SMG6: variants seen among roughly 807,000 people sequenced by gnomAD.
The protein encoded by SMG6 is telomerase-binding protein EST1A.
In SMG6, 66 loss-of-function variants were observed where a neutral mutation model predicts 142.2. The observed-to-expected ratio is 0.46, with a 90% confidence interval of 0.38 to 0.57. The LOEUF is 0.57. Ranked by LOEUF, SMG6 falls within the 20% of genes least tolerant of loss-of-function variation. SMG6 has a pLI of 0.00. For missense variants in SMG6, 1,793 were observed against 1,832.0 expected, an observed-to-expected ratio of 0.98 and a Z score of 0.39; for synonymous variants, 779 against 702.4, an observed-to-expected ratio of 1.11 and a Z score of -1.72.
intron 13 of SMG6, among the ~76,000 whole-genome samples, chr17:2,159,192 G>A (rs1375559455): frequency 3.3e-5 from 5 of 152,120 alleles, no homozygotes; most frequent in Admixed American, 2.0e-4. Flanking sequence ...AGGCCGAGGC[G>A]GGTGGATCAT....
chr17:2,127,643 A>T, intron 13 of SMG6: 1 of 570,602 alleles, frequency 1.8e-6, no homozygotes, highest in Non-Finnish European at 3.5e-6. Context: ...CTTTCATTCA[A>T]CGAATACAAT....
intron 13 of SMG6, among the ~76,000 whole-genome samples, chr17:2,167,705 G>C (rs185322083): frequency 6.6e-6 from 1 of 152,110 alleles, no homozygotes; most frequent in African/African-American, 2.4e-5. Flanking sequence ...TACGTGTTTC[G>C]TAAGTATCTG....
rs1449433703 is a variant in SMG6, at chr17:2,085,622, C to G, written c.3534+103G>C. 1.7e-6 allele frequency: 2 copies of G among 1,184,444 alleles called. No homozygotes were observed. The highest frequency in any genetic ancestry group is 2.4e-6 in the Non-Finnish European group (2 of 830,606). The allele number at this position is 1,184,444 out of a possible 1,614,324, so 73.4% of individuals were successfully genotyped here. On this transcript the variant is annotated intron_variant, in intron 14 of 18. Coordinates refer to ENST00000263073, the MANE Select transcript of SMG6 (RefSeq NM_017575.5). The surrounding 1 kb of genome is among the most constrained non-coding windows in gnomAD (Gnocchi z 4.1). The stretch of plus-strand genomic sequence containing the variant: ...CTGGCTGGTCACATTAACACAGACG[C>G]TGTTCTCTGTGCTCATAAATAAGCA...
chr17:2,286,893 A>G (rs1205999413), intron 6 of SMG6, among the ~76,000 whole-genome samples: 1 of 151,224 alleles, frequency 6.6e-6, no homozygotes, highest in Non-Finnish European at 1.5e-5. Context: ...TAAAGAACTC[A>G]TACATCTTGA....
At chr17:2,115,643 A>G (rs2151504760) in intron 13 of SMG6, among the ~76,000 whole-genome samples, 1 of 152,218 alleles carries the variant, frequency 6.6e-6, no homozygotes, top group East Asian at 1.9e-4. Context: ...GAATGGTAAA[A>G]TAATATAGTT....
At chr17:2,193,866 C>G (rs956956398) in intron 10 of SMG6, among the ~76,000 whole-genome samples, 1 of 152,154 alleles carries the variant, frequency 6.6e-6, no homozygotes, top group Non-Finnish European at 1.5e-5. Flanking sequence ...CTCACTCTGT[C>G]GTCTAGACTG....
chr17:2,131,388 C>T (rs1391442385), intron 13 of SMG6, among the ~76,000 whole-genome samples: 12 of 152,072 alleles, frequency 7.9e-5, no homozygotes, highest in African/African-American at 2.6e-4. Flanking sequence ...CTCCGCCTCC[C>T]GGGTTCAAGC....
At chr17:2,156,742 C>T (rs1212771528) in intron 13 of SMG6, among the ~76,000 whole-genome samples, 1 of 152,176 alleles carries the variant, frequency 6.6e-6, no homozygotes, top group Non-Finnish European at 1.5e-5. Context: ...GTAGCCTCGA[C>T]CTTCCAGGCT....
At chr17:2,090,546 T>G (rs935017432) in intron 13 of SMG6, among the ~76,000 whole-genome samples, 2 of 152,242 alleles carry the variant, frequency 1.3e-5, no homozygotes, top group Non-Finnish European at 2.9e-5. Context: ...TATCGTTACC[T>G]GGTCCCCGTT....
Position 2,274,449 on chromosome 17 carries a change from A to G in SMG6, c.2661+8198T>C, listed in dbSNP as rs962739148. ...CTGAAAAAAGACATTATGCAAATAAATAAAATAGATAATGATATGTAACAG... is the reference window on the plus strand; with the variant it reads ...CTGAAAAAAGACATTATGCAAATAAGTAAAATAGATAATGATATGTAACAG... On this transcript the variant is annotated intron_variant, in intron 8 of 18. Coordinates refer to ENST00000263073, the MANE Select transcript of SMG6 (RefSeq NM_017575.5). Among the ~76,000 whole-genome samples, 3 of 152,352 alleles carry G rather than the reference A, an allele frequency of 2.0e-5. No individual in the cohort carries two copies. The South Asian group carries it at 6.2e-4, about 32-fold the overall frequency.
chr17:2,226,841 G>A (rs1447528726), intron 10 of SMG6, among the ~76,000 whole-genome samples: 1 of 152,146 alleles, frequency 6.6e-6, no homozygotes, highest in Admixed American at 6.5e-5. Context: ...AGGGTGCAGT[G>A]CAGTGAGCCG....
At chr17:2,257,656 G>A (rs573972084) in intron 8 of SMG6, among the ~76,000 whole-genome samples, 1 of 152,012 alleles carries the variant, frequency 6.6e-6, no homozygotes. Context: ...TAAATGTGAT[G>A]AGTATGCTCC....
intron 9 of SMG6, among the ~76,000 whole-genome samples, chr17:2,241,906 T>C (rs1440201384): frequency 1.3e-5 from 2 of 152,116 alleles, no homozygotes; most frequent in Non-Finnish European, 2.9e-5. Flanking sequence ...ATATCTAGAG[T>C]AGTGGTTTTC....
chr17:2,257,782 G>A (rs993686516), intron 8 of SMG6, among the ~76,000 whole-genome samples: 8 of 151,744 alleles, frequency 5.3e-5, no homozygotes, highest in South Asian at 4.2e-4. Flanking sequence ...ACTTTGGGGG[G>A]CTGGGCGGAT....
chr17:2,091,778 C>T (rs1325381355), intron 13 of SMG6, among the ~76,000 whole-genome samples: 2 of 151,400 alleles, frequency 1.3e-5, no homozygotes, highest in Non-Finnish European at 2.9e-5. Flanking sequence ...TCACGCCATT[C>T]TCCTACCTCA....
intron 10 of SMG6, among the ~76,000 whole-genome samples, chr17:2,220,845 G>A (rs1010825623): frequency 1.3e-5 from 2 of 151,998 alleles, no homozygotes; most frequent in Non-Finnish European, 1.5e-5. Flanking sequence ...TTTATACATC[G>A]TATAGGAAAG....
intron 13 of SMG6, among the ~76,000 whole-genome samples, chr17:2,119,050 C>G (rs2069597996): frequency 6.9e-6 from 1 of 145,486 alleles, no homozygotes; most frequent in Non-Finnish European, 1.5e-5. Context: ...CAGGCACCCA[C>G]CTGGCTAATT....
At chr17:2,302,495 C>G (rs1455543013) in intron 1 of SMG6, among the ~76,000 whole-genome samples, 2 of 152,142 alleles carry the variant, frequency 1.3e-5, no homozygotes. Flanking sequence ...GAGCAGAGAT[C>G]GCGCCACTGC....
At chr17:2,107,331 T>C (rs113431624) in intron 13 of SMG6, among the ~76,000 whole-genome samples, 17 of 152,334 alleles carry the variant, frequency 1.1e-4, no homozygotes, top group African/African-American at 3.8e-4. Context: ...GGGACTGTCA[T>C]TTCCTGTTGG....
Sources: gnomAD v4.1 joint callset for allele counts (sites outside exome capture counted in the v4.1 genomes callset) on GRCh38, gnomAD v4.1.1 for gene constraint, Gnocchi (gnomAD v3.1) non-coding constraint, MANE v1.5 for transcripts, NCBI Gene and HGNC (gene_info 2026-07-23, HGNC 2026-07-21) for gene names.